CMTM4: variants seen among roughly 807,000 people sequenced by gnomAD.
CMTM4 encodes CKLF-like MARVEL transmembrane domain-containing protein 4.
CMTM4 carries 8 observed loss-of-function variants against 19.0 expected under a neutral mutation model. That is an observed-to-expected ratio of 0.42 (90% CI 0.25 to 0.76). The LOEUF is 0.76. Ranked by LOEUF, CMTM4 falls within the 30% of genes least tolerant of loss-of-function variation. The pLI is 0.27. For missense variants in CMTM4, 228 were observed against 290.2 expected (o/e 0.79, Z 1.56); for synonymous variants, 106 against 121.1 (o/e 0.88, Z 0.82).
Position 66,619,947 on chromosome 16 carries a change from T to C in CMTM4, c.*2111A>G. 1 of 985,458 alleles carries C rather than the reference T, an allele frequency of 1.0e-6. No individual in the cohort carries two copies. The highest frequency in any genetic ancestry group is 1.2e-6 in the Non-Finnish European group (1 of 829,948). The allele number at this position is 985,458 out of a possible 1,614,324, so 61.0% of individuals were successfully genotyped here. ...TTTAGTTTCAGTGACTTCAGAACTA[T>C]TTCTTGCAGCTGACAACATATCCTC... On this transcript the variant is annotated 3_prime_UTR_variant, in exon 4 of 4. Coordinates refer to ENST00000394106, the MANE Select transcript of CMTM4 (RefSeq NM_181521.3).
intron 1 of CMTM4, among the ~76,000 whole-genome samples, chr16:66,653,763 C>G (rs1047007105): frequency 2.6e-5 from 4 of 152,186 alleles, no homozygotes; most frequent in Non-Finnish European, 4.4e-5. Context: ...AAGACAGAGT[C>G]TTGCTCTGTT....
In CMTM4 at chr16:66,617,532, G is replaced by C; in HGVS notation, c.*4526C>G. 7.3e-7 allele frequency: 1 copy of C among 1,374,728 alleles called. No individual in the cohort carries two copies. The highest frequency in any genetic ancestry group is 9.4e-7 in the Non-Finnish European group (1 of 1,065,150). 85.2% of individuals were successfully genotyped at this position (1,374,728 alleles called of 1,614,324 possible). A position where few individuals can be genotyped will look rare whatever the true frequency, so the allele number is the denominator to read the frequency against. ...GAATTAAACAGAACATTCACTTTCG[G>C]AAGAAAATTTTTCTAGACCTAACAG... On this transcript the variant is annotated 3_prime_UTR_variant, in exon 4 of 4. Transcript: ENST00000394106.
Position 66,620,538 on chromosome 16 carries a change from G to A in CMTM4, c.*1520C>T, listed in dbSNP as rs2015611284. 2 of 985,342 alleles carry A rather than the reference G, an allele frequency of 2.0e-6. No individual in the cohort carries two copies. Among genetic ancestry groups the A allele is most frequent in the African/African-American group, 3.5e-5 (2 of 57,228 alleles). 61.0% of individuals were successfully genotyped at this position (985,342 alleles called of 1,614,324 possible). On this transcript the variant is annotated 3_prime_UTR_variant, in exon 4 of 4. Transcript: ENST00000394106. ...GATGCTGTCCTTTTCTGGGGAATGA[G>A]ACGCCACATGTCCATAAGGTGACGC...
chr16:66,599,881 C>T, the CMTM4 span, among the ~76,000 whole-genome samples: 1 of 152,186 alleles, frequency 6.6e-6, no homozygotes, highest in Non-Finnish European at 1.5e-5. Context: ...CACATCCTCA[C>T]CAGCAGCTGG....
intron 1 of CMTM4, among the ~76,000 whole-genome samples, chr16:66,637,035 C>A (rs2016005495): frequency 6.6e-6 from 1 of 152,204 alleles, no homozygotes; most frequent in South Asian, 2.1e-4. Flanking sequence ...GTGCCATCTG[C>A]AGTTACCTTG....
chr16:66,665,922 A>T (rs1037691861), intron 1 of CMTM4, among the ~76,000 whole-genome samples: 11 of 151,744 alleles, frequency 7.2e-5, no homozygotes, highest in African/African-American at 2.7e-4. Flanking sequence ...CACACAAAAA[A>T]TTAGCAGGGC....
rs1322624603 is a variant in CMTM4 at position 66,619,774 on chromosome 16, A to G, written c.*2284T>C. ...GGAGTTAATTAAATACAAGGAGAAC[A>G]TTTACAAAACCACCGAGGAGCCTCA... On this transcript the variant is annotated 3_prime_UTR_variant, in exon 4 of 4. Transcript: ENST00000394106. 1.0e-6 allele frequency: 1 copy of G among 985,214 alleles called. No homozygotes were observed. Among genetic ancestry groups the G allele is most frequent in the African/African-American group, 1.7e-5 (1 of 57,202 alleles). The allele number at this position is 985,214 out of a possible 1,614,324, so 61.0% of individuals were successfully genotyped here. A position where few individuals can be genotyped will look rare whatever the true frequency, so the allele number is the denominator to read the frequency against.
At chr16:66,599,203 T>C in the CMTM4 span, among the ~76,000 whole-genome samples, 2 of 151,822 alleles carry the variant, frequency 1.3e-5, no homozygotes, top group Non-Finnish European at 2.9e-5. Context: ...GGCATGAGAA[T>C]CACTTGAACA....
intron 1 of CMTM4, among the ~76,000 whole-genome samples, chr16:66,673,214 T>TC (rs2016746560): frequency 6.7e-6 from 1 of 148,866 alleles, no homozygotes; most frequent in African/African-American, 2.5e-5. Context: ...CCCAGTCTTT[T>TC]TTTTTTTTTT....
rs2015661505 is a variant in CMTM4, at chr16:66,622,664, A to C, written c.463-442T>G. On this transcript the variant is annotated intron_variant, in intron 3 of 3. Transcript: ENST00000394106. The surrounding 1 kb of genome is among the most constrained non-coding windows in gnomAD (Gnocchi z 4.0). ...AGTGCAGACAAAATGTAACATAGAC[A>C]GAAAATCAGGGTTTCGCATGTGGGT... 6.6e-6 allele frequency among the ~76,000 whole-genome samples: 1 copy of C among 152,220 alleles called. No homozygotes were observed. The highest frequency in any genetic ancestry group is 2.1e-4 in the South Asian group (1 of 4,832).
chr16:66,635,199 C>A (rs552062621), intron 2 of CMTM4, among the ~76,000 whole-genome samples: 2 of 152,338 alleles, frequency 1.3e-5, no homozygotes, highest in African/African-American at 4.8e-5. Flanking sequence ...ATAGTTGAGA[C>A]ATTACAACCT....
At chr16:66,674,623 C>T (rs928530281) in intron 1 of CMTM4, among the ~76,000 whole-genome samples, 2 of 151,530 alleles carry the variant, frequency 1.3e-5, no homozygotes, top group South Asian at 4.1e-4. Context: ...CTCATCGAAA[C>T]GAGTCAGCAA....
chr16:66,606,366 C>T, the CMTM4 span, among the ~76,000 whole-genome samples: 26 of 152,114 alleles, frequency 1.7e-4, no homozygotes, highest in Admixed American at 5.9e-4. Context: ...AGGGGAGGGC[C>T]AGAGCTGGGT....
chr16:66,639,714 C>T (rs1291827253), intron 1 of CMTM4, among the ~76,000 whole-genome samples: 2 of 151,602 alleles, frequency 1.3e-5, no homozygotes, highest in African/African-American at 4.9e-5. Flanking sequence ...GAAATCCTGT[C>T]TCTACTAAAA....
Position 66,618,499 on chromosome 16 carries a change from G to A in CMTM4, c.*3559C>T. On this transcript the variant is annotated 3_prime_UTR_variant, in exon 4 of 4. Transcript: ENST00000394106. ...TGGCACAGAAAGGGATTAGACCTCA[G>A]TCCACCTCTCAGAGCACATGGATAG... 1.0e-6 allele frequency: 1 copy of A among 985,464 alleles called. No individual in the cohort carries two copies. Among genetic ancestry groups the A allele is most frequent in the Non-Finnish European group, 1.2e-6 (1 of 829,976 alleles). 61.0% of individuals were successfully genotyped at this position (985,464 alleles called of 1,614,324 possible).
At chr16:66,679,633 G>C (rs1567430198) in intron 1 of CMTM4, among the ~76,000 whole-genome samples, 8 of 151,914 alleles carry the variant, frequency 5.3e-5, no homozygotes. Context: ...AGACCAGCCT[G>C]GCCAACATGG....
At position 66,696,391 on chromosome 16, in the gene CMTM4, G is replaced by A; in HGVS notation, c.135C>T (p.Cys45=). 2.8e-6 allele frequency: 4 copies of A among 1,422,736 alleles called. No individual in the cohort carries two copies. The highest frequency in any genetic ancestry group is 3.2e-5 in the East Asian group (1 of 31,614). The allele number at this position is 1,422,736 out of a possible 1,614,324, so 88.1% of individuals were successfully genotyped here. A position where few individuals can be genotyped will look rare whatever the true frequency, so the allele number is the denominator to read the frequency against. ...GCGCGCCGCGCAGGTAGTCGGGGTC[G>A]CAGCGCAGGCCGGCCAGCCCGCGGC... The part of the protein sequence containing the change: ...SQRRGLAGLR[C]DPDYLRGALG... The change falls in exon 1 of 4, where the codon TGC becomes TGT. Residue 45 remains cysteine, a synonymous_variant. Coordinates refer to ENST00000394106, the MANE Select transcript of CMTM4 (RefSeq NM_181521.3). The surrounding 1 kb of genome is among the most constrained non-coding windows in gnomAD (Gnocchi z 4.3).
At chr16:66,627,560 AT>A (rs1378879824) in intron 2 of CMTM4, among the ~76,000 whole-genome samples, 1 of 152,182 alleles carries the variant, frequency 6.6e-6, no homozygotes, top group Non-Finnish European at 1.5e-5. Flanking sequence ...ATTAGCAGTT[AT>A]TTCTCATTCC....
At chr16:66,661,334 G>A (rs2144859739) in intron 1 of CMTM4, among the ~76,000 whole-genome samples, 1 of 152,314 alleles carries the variant, frequency 6.6e-6, no homozygotes, top group East Asian at 1.9e-4. Flanking sequence ...AGAGTAGGGA[G>A]AACAGACTTG....
Sources: allele counts gnomAD v4.1 joint callset (sites outside exome capture counted in the v4.1 genomes callset), GRCh38; gene constraint gnomAD v4.1.1; non-coding constraint Gnocchi (gnomAD v3.1); transcripts MANE v1.5; gene names NCBI Gene and HGNC (gene_info 2026-07-23, HGNC 2026-07-21).